Variants in NOX4 observed in about 807,000 individuals in gnomAD.
The protein encoded by NOX4 is NADPH oxidase 4.
A neutral mutation model predicts 87.6 loss-of-function variants in NOX4; 69 were observed. That is an observed-to-expected ratio of 0.79 (90% CI 0.65 to 0.96). NOX4 has a LOEUF of 0.96. NOX4 is among the 40% of genes least tolerant of loss of function. The pLI, the probability that NOX4 is intolerant of heterozygous loss-of-function variation, is 0.00. For synonymous variants in NOX4, 275 were observed against 238.2 expected, an observed-to-expected ratio of 1.15 and a Z score of -1.42; for missense variants, 680 against 681.5, an observed-to-expected ratio of 1.00 and a Z score of 0.02.
intron 12 of NOX4, among the ~76,000 whole-genome samples, chr11:89,358,141 T>C (rs1237151806): frequency 6.6e-6 from 1 of 151,894 alleles, no homozygotes; most frequent in African/African-American, 2.4e-5. Context: ...TCCCAGCACT[T>C]TGGGAGGCTG....
intron 4 of NOX4, among the ~76,000 whole-genome samples, chr11:89,448,154 C>T (rs1944789351): frequency 6.6e-6 from 1 of 152,058 alleles, no homozygotes; most frequent in Admixed American, 6.6e-5. Context: ...AATTTCTATT[C>T]ATTTTCTCAT....
intron 11 of NOX4, among the ~76,000 whole-genome samples, chr11:89,384,852 A>T (rs1443133382): frequency 6.6e-6 from 1 of 152,094 alleles, no homozygotes; most frequent in African/African-American, 2.4e-5. Flanking sequence ...ATTATTTCAG[A>T]TACCACACCT....
intron 11 of NOX4, among the ~76,000 whole-genome samples, chr11:89,382,037 G>T (rs930256183): frequency 2.6e-5 from 4 of 152,104 alleles, no homozygotes; most frequent in African/African-American, 9.7e-5. Flanking sequence ...TTTAATCACT[G>T]TGGGGACACC....
chr11:89,491,027 G>A, intron 1 of NOX4, 163 bp downstream of exon 1: 1 of 775,822 alleles, frequency 1.3e-6, no homozygotes, highest in South Asian at 1.5e-5. Context: ...GGTGGGAGGG[G>A]GAGTGTTCAT....
At chr11:89,511,818 A>C in the NOX4 span, among the ~76,000 whole-genome samples, 1 of 152,056 alleles carries the variant, frequency 6.6e-6, no homozygotes, top group Non-Finnish European at 1.5e-5. Flanking sequence ...GCCACTCTCC[A>C]GATTTCTCTT....
At chr11:89,398,704 A>C (rs1000543989) in intron 11 of NOX4, among the ~76,000 whole-genome samples, 2 of 151,590 alleles carry the variant, frequency 1.3e-5, no homozygotes, top group Non-Finnish European at 2.9e-5. Flanking sequence ...TATATAAAAT[A>C]GTTTTGCTAT....
At chr11:89,486,637 T>C (rs1476856448) in intron 2 of NOX4, among the ~76,000 whole-genome samples, 2 of 121,986 alleles carry the variant, frequency 1.6e-5, no homozygotes, top group African/African-American at 6.9e-5. Flanking sequence ...TATATACATA[T>C]ATATGTGTGT....
At chr11:89,439,738 C>CA (rs1944375117) in intron 6 of NOX4, among the ~76,000 whole-genome samples, 1 of 151,974 alleles carries the variant, frequency 6.6e-6, no homozygotes, top group African/African-American at 2.4e-5. Flanking sequence ...AGACTTTTAG[C>CA]AAAAATTGTT....
intron 8 of NOX4, among the ~76,000 whole-genome samples, chr11:89,418,384 T>G (rs1355433289): frequency 6.7e-6 from 1 of 150,298 alleles, no homozygotes; most frequent in East Asian, 2.0e-4. Flanking sequence ...CTCAGCAACT[T>G]ATCTCTCACT....
At chr11:89,565,515 G>C in the NOX4 span, among the ~76,000 whole-genome samples, 4 of 151,914 alleles carry the variant, frequency 2.6e-5, no homozygotes, top group African/African-American at 9.7e-5. Context: ...AGAATGTACA[G>C]TATAATTTGA....
At chr11:89,505,981 C>T in the NOX4 span, among the ~76,000 whole-genome samples, 1 of 151,826 alleles carries the variant, frequency 6.6e-6, no homozygotes, top group African/African-American at 2.4e-5. Context: ...GTCCCTGCTA[C>T]TGTCTTGAGA....
At chr11:89,521,882 G>A in the NOX4 span, among the ~76,000 whole-genome samples, 1 of 151,942 alleles carries the variant, frequency 6.6e-6, no homozygotes, top group South Asian at 2.1e-4. Context: ...AATATGAACA[G>A]GCACTTCTCA....
chr11:89,432,911 C>CA (rs1004770142), intron 6 of NOX4, 55 bp from the exon 7 acceptor site: 3 of 1,191,000 alleles, frequency 2.5e-6, no homozygotes, highest in East Asian at 2.5e-5. Context: ...GAAAAAAATA[C>CA]AAAAAATGAT....
At chr11:89,421,582 T>C (rs2135262823) in intron 8 of NOX4, among the ~76,000 whole-genome samples, 1 of 152,274 alleles carries the variant, frequency 6.6e-6, no homozygotes, top group African/African-American at 2.4e-5. Flanking sequence ...TAAAATATAT[T>C]CCTGATGTTC....
chr11:89,476,512 A>G (rs1035132202), intron 2 of NOX4, among the ~76,000 whole-genome samples: 2 of 152,096 alleles, frequency 1.3e-5, no homozygotes, highest in Non-Finnish European at 2.9e-5. Context: ...TTTCACATTT[A>G]TCCTAATCTG....
At chr11:89,438,586 T>TATACTGTATATA (rs1565292634) in intron 6 of NOX4, among the ~76,000 whole-genome samples, 36 of 82,848 alleles carry the variant, frequency 4.3e-4, no homozygotes, top group East Asian at 1.8e-3. Context: ...CTATATATTA[T>TATACTGTATATA]ATACTATATA....
chr11:89,512,721 G>A, the NOX4 span, among the ~76,000 whole-genome samples: 9,722 of 152,088 alleles, frequency 0.064, 445 homozygotes, highest in Non-Finnish European at 0.1. Context: ...ATAATGCTGC[G>A]ATTAATCTTA....
At chr11:89,489,737 A>AG (rs1318289763) in intron 2 of NOX4, among the ~76,000 whole-genome samples, 2 of 149,124 alleles carry the variant, frequency 1.3e-5, no homozygotes, top group African/African-American at 4.9e-5. Flanking sequence ...CAAAAAAAAA[A>AG]AAAGAAAGAA....
chr11:89,434,571 C>T (rs748713839), intron 6 of NOX4, among the ~76,000 whole-genome samples: 2 of 151,934 alleles, frequency 1.3e-5, no homozygotes, highest in Non-Finnish European at 2.9e-5. Flanking sequence ...GGAAAAATAG[C>T]ATGCCTGCAA....
Sources: allele counts gnomAD v4.1 joint callset (sites outside exome capture counted in the v4.1 genomes callset), GRCh38; gene constraint gnomAD v4.1.1; transcripts MANE v1.5; gene names NCBI Gene and HGNC (gene_info 2026-07-23, HGNC 2026-07-21).